Variants in SCML4 observed in about 807,000 individuals in gnomAD.
The protein encoded by SCML4 is Scm polycomb group protein like 4.
A neutral mutation model predicts 41.1 loss-of-function variants in SCML4; 34 were observed. The observed-to-expected ratio is 0.83, with a 90% CI of 0.63 to 1.10. The LOEUF (loss-of-function observed/expected upper bound fraction) is 1.10. Ranked by LOEUF, SCML4 falls within the 50% of genes least tolerant of loss-of-function variation. The pLI is 0.00. For missense variants in SCML4, 522 were observed against 534.1 expected (o/e 0.98, Z 0.22); for synonymous variants, 214 against 220.9 (o/e 0.97, Z 0.28).
chr6:107,714,909 C>T (rs1038365808), intron 6 of SCML4, among the ~76,000 whole-genome samples: 1 of 150,494 alleles, frequency 6.6e-6, no homozygotes. Flanking sequence ...AGAGCAAAGC[C>T]CCATCTGCTT....
At chr6:107,819,022 G>C (rs1784756172) in intron 1 of SCML4, among the ~76,000 whole-genome samples, 1 of 151,962 alleles carries the variant, frequency 6.6e-6, no homozygotes, top group Admixed American at 6.6e-5. Flanking sequence ...ATTTTCTTCA[G>C]TTCAAAAGAA....
At chr6:107,721,043 A>T in intron 5 of SCML4, 50 bp from the exon 6 acceptor site, 1 of 1,539,164 alleles carries the variant, frequency 6.5e-7, no homozygotes, top group Non-Finnish European at 8.8e-7. Flanking sequence ...GCAGTTCAGG[A>T]AGCTATCAGA....
At chr6:107,766,119 T>C (rs1479930131) in intron 2 of SCML4, among the ~76,000 whole-genome samples, 1 of 152,110 alleles carries the variant, frequency 6.6e-6, no homozygotes, top group Non-Finnish European at 1.5e-5. Flanking sequence ...CCTGTAATCC[T>C]AGCACTTTGG....
intron 1 of SCML4, among the ~76,000 whole-genome samples, chr6:107,822,488 C>CTCTTT (rs1785013637): frequency 8.2e-6 from 1 of 122,074 alleles, no homozygotes; most frequent in East Asian, 2.5e-4. Flanking sequence ...CGTTCATTTA[C>CTCTTT]TCTTTTCTTT....
At chr6:107,782,425 G>A (rs927924208) in intron 1 of SCML4, among the ~76,000 whole-genome samples, 2 of 152,212 alleles carry the variant, frequency 1.3e-5, no homozygotes, top group Non-Finnish European at 2.9e-5. Context: ...GGCTGAGTGT[G>A]CCCCCTCCCT....
At chr6:107,834,215 C>T in the SCML4 span, among the ~76,000 whole-genome samples, 1 of 152,118 alleles carries the variant, frequency 6.6e-6, no homozygotes, top group Non-Finnish European at 1.5e-5. Context: ...TCCCCAAAAG[C>T]AGAAGTTGGG....
At chr6:107,845,952 C>T in the SCML4 span, among the ~76,000 whole-genome samples, 77,982 of 152,072 alleles carry the variant, frequency 0.51, 23,073 homozygotes, top group South Asian at 0.7. Flanking sequence ...TCCCCACCTG[C>T]AGTGACAGGA....
chr6:107,732,063 T>G (rs1055584188), intron 5 of SCML4: 2 of 152,272 alleles, frequency 1.3e-5, no homozygotes, highest in Non-Finnish European at 2.9e-5. Context: ...TGCTGTGGGA[T>G]GCAGAGGGGC....
intron 2 of SCML4, among the ~76,000 whole-genome samples, chr6:107,751,177 T>C (rs1283388097): frequency 1.3e-5 from 2 of 152,204 alleles, no homozygotes; most frequent in African/African-American, 4.8e-5. Context: ...GTAAATGATA[T>C]AGTAGATTAC....
At chr6:107,795,130 A>T (rs1024841869) in intron 1 of SCML4, among the ~76,000 whole-genome samples, 3 of 152,204 alleles carry the variant, frequency 2.0e-5, no homozygotes, top group Non-Finnish European at 4.4e-5. Flanking sequence ...CCCTGTACAA[A>T]TAGTATACAT....
At position 107,715,390 on chromosome 6, in the gene SCML4, C is replaced by T. The variant is rs575912327; in HGVS notation, c.973+5313G>A. ...TAGCTAAATTGTCTCCATCCCTCAC[C>T]CAATGCCAGGCCCTATCAAATAAAA... On this transcript the variant is annotated intron_variant, in intron 6 of 7. Transcript: ENST00000369020. Among the ~76,000 whole-genome samples the T allele has an allele frequency of 1.4e-3, 210 of 150,238 alleles. 1 individual carries two copies. The highest frequency in any genetic ancestry group is 2.1e-3 in the Non-Finnish European group (144 of 67,818).
chr6:107,747,054 A>G (rs1287437472), intron 3 of SCML4, among the ~76,000 whole-genome samples, 165 bp from the exon 4 acceptor site: 1 of 152,200 alleles, frequency 6.6e-6, no homozygotes, highest in East Asian at 1.9e-4. Context: ...TAAGAAGTAA[A>G]AGAGGCAAAA....
chr6:107,833,071 G>A, the SCML4 span, among the ~76,000 whole-genome samples: 1 of 152,140 alleles, frequency 6.6e-6, no homozygotes, highest in Non-Finnish European at 1.5e-5. Context: ...ACTGGGTTGC[G>A]AATATTGGGA....
At chr6:107,770,244 C>T (rs1238106504) in intron 2 of SCML4, among the ~76,000 whole-genome samples, 1 of 152,108 alleles carries the variant, frequency 6.6e-6, no homozygotes, top group Non-Finnish European at 1.5e-5. Flanking sequence ...TAACATACAA[C>T]ATTTAATAAA....
the SCML4 span, among the ~76,000 whole-genome samples, chr6:107,831,411 CAAA>C: frequency 0.17 from 18,307 of 107,122 alleles, 1,269 homozygotes; most frequent in Middle Eastern, 0.25. Flanking sequence ...TTTTCATTCT[CAAA>C]AAAAAAAAAA....
At chr6:107,823,151 G>C (rs762590221) in intron 1 of SCML4, among the ~76,000 whole-genome samples, 3 of 152,106 alleles carry the variant, frequency 2.0e-5, no homozygotes, top group Admixed American at 1.3e-4. Flanking sequence ...CTCAAGTACT[G>C]TAGTGTCTGA....
At chr6:107,731,216 T>C (rs1776508887) in intron 5 of SCML4, among the ~76,000 whole-genome samples, 2 of 152,176 alleles carry the variant, frequency 1.3e-5, no homozygotes, top group Admixed American at 6.5e-5. Flanking sequence ...CTATAGATGC[T>C]CCTGACCAAG....
At chr6:107,714,644 C>T (rs1413912336) in intron 6 of SCML4, among the ~76,000 whole-genome samples, 2 of 152,218 alleles carry the variant, frequency 1.3e-5, no homozygotes, top group Non-Finnish European at 2.9e-5. Flanking sequence ...ACACTGTGCC[C>T]AGGAAGTCTC....
intron 1 of SCML4, among the ~76,000 whole-genome samples, chr6:107,792,379 G>A (rs1044346781): frequency 2.0e-5 from 3 of 152,288 alleles, no homozygotes; most frequent in South Asian, 2.1e-4. Context: ...ACAGATTTCA[G>A]GATTGCAATT....
Sources: allele counts gnomAD v4.1 joint callset (sites outside exome capture counted in the v4.1 genomes callset), GRCh38; gene constraint gnomAD v4.1.1; transcripts MANE v1.5; gene names NCBI Gene and HGNC (gene_info 2026-07-23, HGNC 2026-07-21).